KLHL14: variants seen among roughly 807,000 people sequenced by gnomAD.
The protein encoded by KLHL14 is kelch like family member 14, also known as kelch-like protein 14.
Under a neutral mutation model 64.3 loss-of-function variants are expected in KLHL14, and 22 were observed. That is an observed-to-expected ratio of 0.34 (90% confidence interval 0.24 to 0.49). The LOEUF (loss-of-function observed/expected upper bound fraction) is 0.49. Ranked by LOEUF, KLHL14 falls within the 20% of genes least tolerant of loss-of-function variation. The pLI is 0.99. For missense variants in KLHL14, 661 were observed against 789.0 expected (o/e 0.84, Z 1.94); for synonymous variants, 322 against 333.4 (o/e 0.97, Z 0.37).
At chr18:32,712,064 A>G (rs1363171099) in intron 3 of KLHL14, among the ~76,000 whole-genome samples, 1 of 152,018 alleles carries the variant, frequency 6.6e-6, no homozygotes, top group African/African-American at 2.4e-5. Context: ...GTTTTTGTTA[A>G]TAAAGTTTTA....
chr18:32,692,440 T>C (rs562605787), intron 4 of KLHL14, among the ~76,000 whole-genome samples: 2 of 152,326 alleles, frequency 1.3e-5, no homozygotes, highest in South Asian at 4.1e-4. Context: ...AGCAATGATA[T>C]TAAAGCATGT....
Position 32,770,950 on chromosome 18 carries a change from G to C in KLHL14, c.-43-316C>G. ...ACCAACCACCTCAGCTCGGCTGTTGGCAGCAACAGCAGTGGCAGCAGCGAC... is the reference window on the plus strand; with the variant it reads ...ACCAACCACCTCAGCTCGGCTGTTGCCAGCAACAGCAGTGGCAGCAGCGAC... On this transcript the variant is annotated intron_variant, in intron 1 of 8. Transcript: ENST00000359358. The surrounding 1 kb of genome is among the most constrained non-coding windows in gnomAD (Gnocchi z 6.7). The C allele has an allele frequency of 2.2e-6, 1 of 447,634 alleles. No individual in the cohort carries two copies. Among genetic ancestry groups the C allele is most frequent in the Non-Finnish European group, 4.4e-6 (1 of 229,066 alleles). The allele number at this position is 447,634 out of a possible 1,614,324, so 27.7% of individuals were successfully genotyped here. A position where few individuals can be genotyped will look rare whatever the true frequency, so the allele number is the denominator to read the frequency against.
chr18:32,753,769 C>T (rs1341093245), intron 2 of KLHL14, among the ~76,000 whole-genome samples: 2 of 152,226 alleles, frequency 1.3e-5, no homozygotes, highest in Non-Finnish European at 2.9e-5. Flanking sequence ...CACTGCATTT[C>T]CCCCTCCTTC....
intron 3 of KLHL14, among the ~76,000 whole-genome samples, chr18:32,726,117 T>A (rs1490049885): frequency 1.3e-5 from 2 of 152,222 alleles, no homozygotes; most frequent in African/African-American, 2.4e-5. Flanking sequence ...GTTGGCCAAA[T>A]CCAGCCCTCT....
At chr18:32,686,377 A>G (rs1437039492) in intron 5 of KLHL14, among the ~76,000 whole-genome samples, 1 of 152,034 alleles carries the variant, frequency 6.6e-6, no homozygotes, top group Admixed American at 6.6e-5. Flanking sequence ...TATTATTTGA[A>G]AAGAACCAAG....
chr18:32,726,225 T>C (rs561108421), intron 3 of KLHL14, among the ~76,000 whole-genome samples: 1 of 152,206 alleles, frequency 6.6e-6, no homozygotes. Context: ...GAGAGCTGAG[T>C]AGTTGTGACA....
intron 2 of KLHL14, among the ~76,000 whole-genome samples, chr18:32,768,111 G>GC (rs2050356043): frequency 6.6e-6 from 1 of 152,074 alleles, no homozygotes; most frequent in Non-Finnish European, 1.5e-5. Context: ...TACGTTTCAT[G>GC]TTTTTTTCCT....
At chr18:32,677,043 C>T in intron 8 of KLHL14, 130 bp downstream of exon 8, 1 of 1,007,824 alleles carries the variant, frequency 9.9e-7, no homozygotes, top group South Asian at 1.7e-5. Context: ...CTATCTAAAG[C>T]AACTGACTGC....
chr18:32,743,982 G>A (rs375318223), intron 2 of KLHL14: 2 of 152,112 alleles, frequency 1.3e-5, no homozygotes, highest in Non-Finnish European at 2.9e-5. Flanking sequence ...ACCATGTGTA[G>A]ACAGACCTGT....
chr18:32,684,434 G>A (rs773432978), intron 5 of KLHL14, among the ~76,000 whole-genome samples: 2 of 151,854 alleles, frequency 1.3e-5, no homozygotes. Context: ...AGTGGGAAAA[G>A]GCAAATCTTA....
chr18:32,748,652 CTTTT>C (rs34896902), intron 2 of KLHL14, among the ~76,000 whole-genome samples: 2 of 133,054 alleles, frequency 1.5e-5, no homozygotes, highest in Non-Finnish European at 3.2e-5. Flanking sequence ...CCGCACCAGG[CTTTT>C]TTTTTTTTTT....
chr18:32,685,927 G>A (rs953834999), intron 5 of KLHL14, among the ~76,000 whole-genome samples: 1 of 151,936 alleles, frequency 6.6e-6, no homozygotes, highest in Non-Finnish European at 1.5e-5. Flanking sequence ...CTACTTAAAT[G>A]TTATAAAAAG....
chr18:32,723,910 GCA>G (rs1014663220), intron 3 of KLHL14, among the ~76,000 whole-genome samples: 1 of 152,104 alleles, frequency 6.6e-6, no homozygotes, highest in African/African-American at 2.4e-5. Context: ...TTTTAATATG[GCA>G]CTTTGTGGGT....
At position 32,680,034 on chromosome 18, in the gene KLHL14, A is replaced by G. The variant is rs2049830405; in HGVS notation, c.1588+135T>C. 5 of 884,698 alleles carry G rather than the reference A, an allele frequency of 5.7e-6. No homozygotes were observed. Among genetic ancestry groups the G allele is most frequent in the Non-Finnish European group, 8.4e-6 (5 of 594,114 alleles). 54.8% of individuals were successfully genotyped at this position (884,698 alleles called of 1,614,324 possible). A position where few individuals can be genotyped will look rare whatever the true frequency, so the allele number is the denominator to read the frequency against. The stretch of plus-strand genomic sequence containing the variant: ...GCTTGCTCAAGGGTACTGCCAATTT[A>G]CACAGAGTAGATTTTATTAGGTCAA... On this transcript the variant is annotated intron_variant, in intron 7 of 8. Coordinates refer to ENST00000359358, the MANE Select transcript of KLHL14 (RefSeq NM_020805.3). This position sits in a 1 kb window ranked among gnomAD's most constrained non-coding sequence, Gnocchi z 4.8.
intron 3 of KLHL14, among the ~76,000 whole-genome samples, chr18:32,724,611 G>A (rs1268246010): frequency 2.6e-5 from 4 of 152,236 alleles, no homozygotes; most frequent in Non-Finnish European, 1.5e-5. Flanking sequence ...ACCTCACATT[G>A]TTACTCTGAG....
chr18:32,772,235 C>T, intron 1 of KLHL14: 2 of 399,190 alleles, frequency 5.0e-6, no homozygotes, highest in Non-Finnish European at 1.0e-5. Context: ...TCGCCGGCTT[C>T]CTATTTATAC....
chr18:32,686,458 G>A (rs1568064646), intron 5 of KLHL14, among the ~76,000 whole-genome samples: 2 of 152,094 alleles, frequency 1.3e-5, no homozygotes, highest in African/African-American at 4.8e-5. Flanking sequence ...GAACAGCTAG[G>A]AGAGACAAAA....
chr18:32,680,178 G>C lies in KLHL14; in HGVS notation c.1579C>G (p.His527Asp). ...ACAACAAAAAAAAGACCTTTCAAATGATTTCCTCCAATTGCATACAAGCGA... is the reference window on the plus strand; with the variant it reads ...ACAACAAAAAAAAGACCTTTCAAATCATTTCCTCCAATTGCATACAAGCGA... ...NDRLYAIGGN[H>D]LKGFSHLDVM... Residue 527 changes from histidine to aspartate, a missense_variant, in exon 7 of 9, where the codon CAT becomes GAT. His to Asp is a moderately conservative substitution (Grantham distance 81). This residue lies in a region of KLHL14 where 330 missense variants were observed against 450.0 expected (regional missense o/e 0.73). Coordinates refer to ENST00000359358, the MANE Select transcript of KLHL14 (RefSeq NM_020805.3). The surrounding 1 kb of genome is among the most constrained non-coding windows in gnomAD (Gnocchi z 4.8). 4 of 1,613,204 alleles carry C rather than the reference G, an allele frequency of 2.5e-6. No homozygotes were observed. The highest frequency in any genetic ancestry group is 3.4e-6 in the Non-Finnish European group (4 of 1,179,514).
chr18:32,739,950 C>T lies in KLHL14; in HGVS notation c.1069+1978G>A, dbSNP rs77362206. Among the ~76,000 whole-genome samples the T allele has an allele frequency of 6.9e-3, 1,047 of 152,248 alleles. 15 individuals are homozygous for T. The highest frequency in any genetic ancestry group is 0.024 in the African/African-American group (987 of 41,526). On this transcript the variant is annotated intron_variant, in intron 3 of 8. Transcript: ENST00000359358. ...ACAGTAATAGCAATAGTACCTGCAA[C>T]TTTTTGAGTGCATTCTATGTGCTAG...
Sources: allele counts gnomAD v4.1 joint callset (sites outside exome capture counted in the v4.1 genomes callset), GRCh38; gene constraint gnomAD v4.1.1; regional missense constraint gnomAD v4.1.1; non-coding constraint Gnocchi (gnomAD v3.1); transcripts MANE v1.5; gene names NCBI Gene and HGNC (gene_info 2026-07-23, HGNC 2026-07-21).